TDRD3: variants seen among roughly 807,000 people sequenced by gnomAD.
The protein encoded by TDRD3 is tudor domain-containing protein 3.
A neutral mutation model predicts 86.7 loss-of-function variants in TDRD3; 45 were observed. The ratio of observed to expected loss-of-function variants is 0.52; its 90% CI spans 0.41 to 0.67. The LOEUF (loss-of-function observed/expected upper bound fraction) is 0.67. Ranked by LOEUF, TDRD3 falls within the 30% of genes least tolerant of loss-of-function variation. The pLI is 0.00. For missense variants in TDRD3, 814 were observed against 889.0 expected (o/e 0.92, Z 1.07); for synonymous variants, 298 against 301.7 (o/e 0.99, Z 0.13).
intron 9 of TDRD3, among the ~76,000 whole-genome samples, chr13:60,510,366 G>T (rs1361952030): frequency 6.6e-6 from 1 of 152,004 alleles, no homozygotes; most frequent in African/African-American, 2.4e-5. Flanking sequence ...TGTGGTTAAA[G>T]AATAAATTAT....
intron 1 of TDRD3, among the ~76,000 whole-genome samples, chr13:60,432,020 A>G (rs1204404253): frequency 6.6e-6 from 1 of 152,052 alleles, no homozygotes; most frequent in Non-Finnish European, 1.5e-5. Flanking sequence ...TCAATGTGGG[A>G]TAGGAAGTGG....
At chr13:60,505,363 T>G (rs979540131) in intron 8 of TDRD3, among the ~76,000 whole-genome samples, 6 of 152,154 alleles carry the variant, frequency 3.9e-5, no homozygotes, top group Non-Finnish European at 5.9e-5. Context: ...GCTTGGCAAA[T>G]CTGCTGTAGC....
At chr13:60,489,867 T>C (rs1021418442) in intron 7 of TDRD3, among the ~76,000 whole-genome samples, 3 of 152,160 alleles carry the variant, frequency 2.0e-5, no homozygotes, top group African/African-American at 4.8e-5. Context: ...TTAAAATGAT[T>C]ATAGAAAGAT....
chr13:60,474,244 G>A (rs552922305), intron 5 of TDRD3, among the ~76,000 whole-genome samples: 26 of 152,226 alleles, frequency 1.7e-4, no homozygotes, highest in Non-Finnish European at 3.2e-4. Flanking sequence ...CACGTGACTC[G>A]CATGACCTTA....
At chr13:60,514,209 A>G (rs9538728) in intron 10 of TDRD3, among the ~76,000 whole-genome samples, 20,870 of 152,206 alleles carry the variant, frequency 0.14, 1,505 homozygotes, top group East Asian at 0.2. Context: ...CCTCTGCCCT[A>G]GTGATTTGTG....
chr13:60,515,269 G>C (rs185830735), intron 10 of TDRD3, among the ~76,000 whole-genome samples: 1 of 152,038 alleles, frequency 6.6e-6, no homozygotes, highest in Non-Finnish European at 1.5e-5. Flanking sequence ...GTTTCGAATG[G>C]CTACTAAATA....
At chr13:60,450,263 C>G (rs982068819) in intron 3 of TDRD3, among the ~76,000 whole-genome samples, 2 of 152,112 alleles carry the variant, frequency 1.3e-5, no homozygotes, top group Non-Finnish European at 2.9e-5. Flanking sequence ...TGACCCTTCT[C>G]TTCTAATTTT....
chr13:60,454,246 G>T (rs952433713), intron 3 of TDRD3, among the ~76,000 whole-genome samples: 2 of 152,052 alleles, frequency 1.3e-5, no homozygotes, highest in African/African-American at 4.8e-5. Context: ...ATATGTATTG[G>T]TAAATGTCAC....
At chr13:60,430,062 A>G (rs1179441517) in intron 1 of TDRD3, among the ~76,000 whole-genome samples, 1 of 152,164 alleles carries the variant, frequency 6.6e-6, no homozygotes, top group Non-Finnish European at 1.5e-5. Context: ...GGCAAGGGTA[A>G]ACTGAGGCAC....
At chr13:60,537,987 A>C (rs1957734452) in intron 12 of TDRD3, 1 of 152,084 alleles carries the variant, frequency 6.6e-6, no homozygotes, top group Non-Finnish European at 1.5e-5. Flanking sequence ...AAGTATAAGC[A>C]TAAATCATTA....
chr13:60,510,788 T>G, intron 10 of TDRD3, 33 bp downstream of exon 10: 2 of 1,494,358 alleles, frequency 1.3e-6, no homozygotes, highest in Middle Eastern at 1.8e-4. Flanking sequence ...CCTTTTTTTT[T>G]CTTTCTTTTC....
At chr13:60,554,480 C>T (rs1002817985) in intron 12 of TDRD3, among the ~76,000 whole-genome samples, 13 of 151,972 alleles carry the variant, frequency 8.6e-5, no homozygotes, top group South Asian at 2.1e-4. Flanking sequence ...TCTCTTTGTC[C>T]GGAGGATCTA....
At chr13:60,453,731 T>C (rs554528935) in intron 3 of TDRD3, among the ~76,000 whole-genome samples, 1 of 152,304 alleles carries the variant, frequency 6.6e-6, no homozygotes, top group South Asian at 2.1e-4. Context: ...ACTGTAGAGC[T>C]ATGTGAACAA....
chr13:60,543,087 T>C (rs1160774682), intron 12 of TDRD3, among the ~76,000 whole-genome samples: 1 of 152,166 alleles, frequency 6.6e-6, no homozygotes, highest in East Asian at 1.9e-4. Flanking sequence ...ATAACTCTTT[T>C]AGTAGCCTGT....
At chr13:60,397,501 C>A in intron 1 of TDRD3, 96 bp downstream of exon 1, 2 of 1,061,500 alleles carry the variant, frequency 1.9e-6, no homozygotes, top group Middle Eastern at 3.4e-4. Flanking sequence ...TCGGGGTAGG[C>A]GGAGGCTGTC....
chr13:60,515,157 T>C (rs1957142389), intron 10 of TDRD3, among the ~76,000 whole-genome samples: 1 of 152,250 alleles, frequency 6.6e-6, no homozygotes, highest in Non-Finnish European at 1.5e-5. Flanking sequence ...GCAGAAGTTA[T>C]TTTGAAAACA....
At chr13:60,403,577 C>G (rs1954157478) in intron 1 of TDRD3, among the ~76,000 whole-genome samples, 2 of 152,030 alleles carry the variant, frequency 1.3e-5, no homozygotes, top group South Asian at 2.1e-4. Context: ...CAAAGAAAAG[C>G]AAACAAGATG....
At chr13:60,553,072 G>A (rs1256377782) in intron 12 of TDRD3, among the ~76,000 whole-genome samples, 2 of 152,190 alleles carry the variant, frequency 1.3e-5, no homozygotes, top group East Asian at 3.9e-4. Flanking sequence ...GCAAATTTCT[G>A]CAGCTGGCTT....
At chr13:60,415,851 C>T (rs1954495212) in intron 1 of TDRD3, among the ~76,000 whole-genome samples, 1 of 152,038 alleles carries the variant, frequency 6.6e-6, no homozygotes, top group Non-Finnish European at 1.5e-5. Context: ...GAGATCAAGG[C>T]TCAAGCAAAG....
Sources: allele counts gnomAD v4.1 joint callset (sites outside exome capture counted in the v4.1 genomes callset), GRCh38; gene constraint gnomAD v4.1.1; transcripts MANE v1.5; gene names NCBI Gene and HGNC (gene_info 2026-07-23, HGNC 2026-07-21).